The following ERBB4 variants were observed in gnomAD, a reference collection of about 807,000 sequenced individuals.
The protein encoded by ERBB4 is receptor tyrosine-protein kinase erbB-4.
Under a neutral mutation model 158.0 loss-of-function variants are expected in ERBB4, and 42 were observed. That is an observed-to-expected ratio of 0.27 (90% CI 0.21 to 0.34). The LOEUF (loss-of-function observed/expected upper bound fraction) is 0.34. ERBB4 is among the 10% of genes least tolerant of loss of function. The pLI, the probability that ERBB4 is intolerant of heterozygous loss-of-function variation, is 1.00. For missense variants in ERBB4, 1,333 were observed against 1,624.1 expected, an observed-to-expected ratio of 0.82 and a Z score of 3.08; for synonymous variants, 583 against 558.7, an observed-to-expected ratio of 1.04 and a Z score of -0.61.
chr2:211,388,349 T>C (rs1431015197), intron 25 of ERBB4, among the ~76,000 whole-genome samples: 2 of 152,212 alleles, frequency 1.3e-5, no homozygotes, highest in Admixed American at 6.5e-5. Flanking sequence ...AACAGTTTCC[T>C]TCTTTACATG....
intron 19 of ERBB4, among the ~76,000 whole-genome samples, chr2:211,569,098 C>CCT (rs953635482): frequency 2.0e-5 from 3 of 152,112 alleles, no homozygotes; most frequent in Non-Finnish European, 4.4e-5. Context: ...TTTGTGGACT[C>CCT]CAACAATCAG....
intron 20 of ERBB4, among the ~76,000 whole-genome samples, chr2:211,551,129 TTC>T (rs2067084650): frequency 6.6e-6 from 1 of 152,188 alleles, no homozygotes. Context: ...TTGTCCATAT[TTC>T]TGAGTTTAGT....
rs2090162802 is a variant in ERBB4, at chr2:212,373,703, A to G, written c.82+164746T>C. 6.1e-5 allele frequency among the ~76,000 whole-genome samples: 9 copies of G among 147,752 alleles called. No homozygotes were observed. The South Asian group carries it at 1.9e-3, about 32-fold the overall frequency. Reference sequence around the variant, plus strand: ...CCAATGGAGATACATATATATCCATATATATATCCACATATATATCCATAT... The same window carrying G: ...CCAATGGAGATACATATATATCCATGTATATATCCACATATATATCCATAT... On this transcript the variant is annotated intron_variant, in intron 1 of 27. Transcript: ENST00000342788.
chr2:211,943,690 C>T (rs1427668275), intron 3 of ERBB4, among the ~76,000 whole-genome samples: 3 of 152,036 alleles, frequency 2.0e-5, no homozygotes, highest in Non-Finnish European at 2.9e-5. Flanking sequence ...CTACCCTGTG[C>T]ATAATGAGAA....
chr2:211,705,416 C>A (rs757001573), intron 9 of ERBB4, 25 bp from the exon 10 acceptor site: 1 of 1,468,854 alleles, frequency 6.8e-7, no homozygotes, highest in Non-Finnish European at 9.5e-7. Flanking sequence ...AGAGATGTAG[C>A]CAAATTTAAA....
intron 3 of ERBB4, among the ~76,000 whole-genome samples, chr2:211,800,675 A>C (rs992110269): frequency 6.6e-6 from 1 of 151,676 alleles, no homozygotes; most frequent in South Asian, 2.1e-4. Context: ...AAAAAAAAAA[A>C]AAAAACCTCT....
intron 20 of ERBB4, among the ~76,000 whole-genome samples, chr2:211,475,407 A>G (rs1161161243): frequency 6.6e-6 from 1 of 152,088 alleles, no homozygotes; most frequent in East Asian, 1.9e-4. Context: ...TAAGTAATGT[A>G]TATAAAGGTA....
intron 12 of ERBB4, among the ~76,000 whole-genome samples, chr2:211,699,143 G>A (rs1575006892): frequency 6.6e-6 from 1 of 152,292 alleles, no homozygotes; most frequent in Middle Eastern, 3.4e-3. Context: ...TTAGATAAGT[G>A]TATTTGATGG....
intron 3 of ERBB4, among the ~76,000 whole-genome samples, chr2:211,892,509 G>T (rs2125008629): frequency 7.2e-6 from 1 of 138,950 alleles, no homozygotes; most frequent in East Asian, 1.9e-4. Context: ...AGACAGGGAT[G>T]CCCTCTCTCA....
chr2:211,428,898 T>TA (rs1476699641), intron 21 of ERBB4, among the ~76,000 whole-genome samples: 1 of 151,794 alleles, frequency 6.6e-6, no homozygotes, highest in Non-Finnish European at 1.5e-5. Context: ...TGCATTTTTT[T>TA]AGAGATGATC....
At chr2:212,439,210 C>T (rs893009203) in intron 1 of ERBB4, among the ~76,000 whole-genome samples, 4 of 152,090 alleles carry the variant, frequency 2.6e-5, no homozygotes, top group East Asian at 1.9e-4. Context: ...GGCCAGAACA[C>T]GTAAAAGACT....
At chr2:212,332,285 GGAA>G (rs1356379476) in intron 1 of ERBB4, among the ~76,000 whole-genome samples, 1 of 152,040 alleles carries the variant, frequency 6.6e-6, no homozygotes, top group Non-Finnish European at 1.5e-5. Flanking sequence ...ACGCCGCCAT[GGAA>G]GAAGTGCCTT....
intron 1 of ERBB4, among the ~76,000 whole-genome samples, chr2:212,136,586 A>C (rs990210956): frequency 3.3e-5 from 5 of 152,192 alleles, no homozygotes; most frequent in Non-Finnish European, 7.3e-5. Context: ...CATGACCTGG[A>C]CATCACAATA....
chr2:212,049,100 C>T (rs1214806022), intron 2 of ERBB4, among the ~76,000 whole-genome samples: 1 of 152,152 alleles, frequency 6.6e-6, no homozygotes, highest in Non-Finnish European at 1.5e-5. Flanking sequence ...TTTTACATTG[C>T]TAAGGTGGTG....
chr2:212,131,146 A>G (rs1037571608), intron 1 of ERBB4, among the ~76,000 whole-genome samples: 1 of 152,178 alleles, frequency 6.6e-6, no homozygotes, highest in Non-Finnish European at 1.5e-5. Flanking sequence ...TGTTCAAAAT[A>G]CATCCCCAAA....
chr2:212,022,578 G>T (rs1363177772), intron 2 of ERBB4, among the ~76,000 whole-genome samples: 1 of 151,992 alleles, frequency 6.6e-6, no homozygotes, highest in Non-Finnish European at 1.5e-5. Context: ...GCTAATGTAT[G>T]CTGGGCTTCA....
rs187204456 is a variant in ERBB4, at chr2:211,556,912, C to G, written c.2487+4991G>C. ...AGCATGGTACTGGTACAAAAACAGACACATAAACCAATGGAATAGAAGAAA... is the reference window on the plus strand; with the variant it reads ...AGCATGGTACTGGTACAAAAACAGAGACATAAACCAATGGAATAGAAGAAA... On this transcript the variant is annotated intron_variant, in intron 20 of 27. Transcript: ENST00000342788. Among the ~76,000 whole-genome samples the G allele has an allele frequency of 2.2e-4, 34 of 152,220 alleles. 1 individual carries two copies. Among genetic ancestry groups the G allele is most frequent in the Non-Finnish European group, 4.6e-4 (31 of 68,012 alleles).
At chr2:211,493,225 T>C (rs2065388777) in intron 20 of ERBB4, among the ~76,000 whole-genome samples, 1 of 152,116 alleles carries the variant, frequency 6.6e-6, no homozygotes, top group Admixed American at 6.5e-5. Context: ...ATTTATACCA[T>C]ACTTTTCTTA....
chr2:211,872,553 T>G (rs1005962367), intron 3 of ERBB4, among the ~76,000 whole-genome samples: 3 of 152,206 alleles, frequency 2.0e-5, no homozygotes, highest in South Asian at 2.1e-4. Context: ...AAATTTATTT[T>G]TTTTATCTTA....
Sources: allele counts gnomAD v4.1 joint callset (sites outside exome capture counted in the v4.1 genomes callset), GRCh38; gene constraint gnomAD v4.1.1; transcripts MANE v1.5; gene names NCBI Gene and HGNC (gene_info 2026-07-23, HGNC 2026-07-21).